Variants in NUF2 observed in about 807,000 individuals in gnomAD.
The protein encoded by NUF2 is NUF2 component of NDC80 kinetochore complex, also known as kinetochore protein Nuf2.
A neutral mutation model predicts 61.8 loss-of-function variants in NUF2; 34 were observed. That is an observed-to-expected ratio of 0.55 (90% CI 0.42 to 0.73). NUF2 has a LOEUF of 0.73. NUF2 is among the 30% of genes least tolerant of loss of function. The pLI, the probability that NUF2 is intolerant of heterozygous loss-of-function variation, is 0.00. For synonymous variants in NUF2, 172 were observed against 181.6 expected, an observed-to-expected ratio of 0.95 and a Z score of 0.42; for missense variants, 445 against 539.1, an observed-to-expected ratio of 0.83 and a Z score of 1.73.
intron 3 of NUF2, 36 bp downstream of exon 3, chr1:163,327,598 TTTG>T: frequency 8.0e-7 from 1 of 1,250,754 alleles, no homozygotes; most frequent in Non-Finnish European, 1.2e-6. Flanking sequence ...TGGGGTTTTT[TTTG>T]TTTGTTTGTT....
At chr1:163,322,541 C>T (rs553754802) in intron 1 of NUF2, among the ~76,000 whole-genome samples, 1 of 152,308 alleles carries the variant, frequency 6.6e-6, no homozygotes, top group South Asian at 2.1e-4. Flanking sequence ...GCATATATAG[C>T]ACTACGCATG....
rs1262324645 is a variant in NUF2 at position 163,335,604 on chromosome 1, C to G, written c.338-1147C>G. Among the ~76,000 whole-genome samples, 10 of 151,950 alleles carry G rather than the reference C, an allele frequency of 6.6e-5. No individual in the cohort carries two copies. The East Asian group carries it at 1.4e-3, about 21-fold the overall frequency. ...GTTTTTCTGTTCTTTCTTCCCTCCC[C>G]CTACACCCCTGCCCGCCATTTACGT... On this transcript the variant is annotated intron_variant, in intron 5 of 13. Coordinates refer to ENST00000271452, the MANE Select transcript of NUF2 (RefSeq NM_145697.3).
intron 1 of NUF2, among the ~76,000 whole-genome samples, chr1:163,324,877 A>AT (rs985793425): frequency 1.5e-4 from 20 of 131,496 alleles, no homozygotes; most frequent in African/African-American, 4.7e-4. Context: ...AGGCTCTAGG[A>AT]CAAGGTTTCT....
intron 1 of NUF2, among the ~76,000 whole-genome samples, chr1:163,323,858 G>A (rs1222293982): frequency 6.6e-6 from 1 of 152,012 alleles, no homozygotes; most frequent in Non-Finnish European, 1.5e-5. Flanking sequence ...TGACACAGCA[G>A]ATGGTGACCA....
chr1:163,345,951 A>G (rs928359388), intron 11 of NUF2, 133 bp downstream of exon 11: 10 of 556,862 alleles, frequency 1.8e-5, no homozygotes, highest in Non-Finnish European at 2.7e-5. Context: ...AGATGTGGCA[A>G]TGTATGCTAT....
At chr1:163,337,112 T>C (rs1650783843) in intron 6 of NUF2, among the ~76,000 whole-genome samples, 1 of 152,156 alleles carries the variant, frequency 6.6e-6, no homozygotes, top group African/African-American at 2.4e-5. Flanking sequence ...CTTGTTTTCC[T>C]ATATTAGGAA....
intron 7 of NUF2, 40 bp downstream of exon 7, chr1:163,338,133 A>G: frequency 6.8e-7 from 1 of 1,477,510 alleles, no homozygotes; most frequent in Non-Finnish European, 9.5e-7. Flanking sequence ...TGCAATTTCA[A>G]AATGCAAAAT....
At chr1:163,333,618 A>G (rs1650667701) in intron 5 of NUF2, among the ~76,000 whole-genome samples, 1 of 152,020 alleles carries the variant, frequency 6.6e-6, no homozygotes, top group African/African-American at 2.4e-5. Flanking sequence ...TATTTGCTCC[A>G]AGTTTCAGTA....
intron 5 of NUF2, 86 bp downstream of exon 5, chr1:163,328,993 A>AG (rs397940702): frequency 1.7e-4 from 116 of 675,748 alleles, no homozygotes; most frequent in Middle Eastern, 2.8e-4. Flanking sequence ...AAAAAAAAAA[A>AG]GGAAAAAAAC....
rs775397557 is a variant in NUF2 at position 163,338,000 on chromosome 1, G to T, written c.436-20G>T. ...GTGTTGAAATGCACTAATATGAGAT[G>T]ATTAAAATTGCTTTAATAGAAATCC... On this transcript the variant is annotated intron_variant, in intron 6 of 13. Transcript: ENST00000271452. The T allele has an allele frequency of 6.3e-7, 1 of 1,590,576 alleles. No homozygotes were observed. Among genetic ancestry groups the T allele is most frequent in the South Asian group, 1.1e-5 (1 of 90,504 alleles).
Position 163,345,776 on chromosome 1 carries a change from C to A in NUF2, c.906C>A (p.Asp302Glu). ...AGTTATATCAAAAGAAAATACAGGA[C>A]CTTTCAGATAATAGGGAAAAATTAG... Reference protein sequence around the residue: ...EVQLYQKKIQDLSDNREKLAS... With the variant: ...EVQLYQKKIQELSDNREKLAS... Residue 302 changes from aspartate to glutamate, a missense_variant, in exon 11 of 14, where the codon GAC becomes GAA. Transcript: ENST00000271452. The A allele has an allele frequency of 6.2e-7, 1 of 1,608,742 alleles. No homozygotes were observed. Among genetic ancestry groups the A allele is most frequent in the Non-Finnish European group, 8.5e-7 (1 of 1,176,124 alleles).
intron 5 of NUF2, among the ~76,000 whole-genome samples, chr1:163,330,787 T>G (rs1650568890): frequency 6.6e-6 from 1 of 152,064 alleles, no homozygotes; most frequent in South Asian, 2.1e-4. Context: ...TATAATAAAT[T>G]TTGTTAAATT....
At position 163,336,512 on chromosome 1, in the gene NUF2, G is replaced by A. The variant is rs951037769; in HGVS notation, c.338-239G>A. Among the ~76,000 whole-genome samples the A allele has an allele frequency of 3.9e-5, 6 of 151,934 alleles. No homozygotes were observed. The East Asian group carries it at 1.2e-3, about 29-fold the overall frequency. ...TTTTCTAGTTTTTTAATATGGGAGG[G>A]TAATTCTGGTTTCTGTTATTTCTTC... On this transcript the variant is annotated intron_variant, in intron 5 of 13. Transcript: ENST00000271452.
At chr1:163,354,040 A>G (rs894898010) in intron 13 of NUF2, among the ~76,000 whole-genome samples, 2 of 152,214 alleles carry the variant, frequency 1.3e-5, no homozygotes, top group Non-Finnish European at 2.9e-5. Context: ...TTTTGGAATG[A>G]ATAAACATAT....
chr1:163,349,155 C>T (rs1571399231), intron 13 of NUF2, 75 bp downstream of exon 13: 1 of 1,261,930 alleles, frequency 7.9e-7, no homozygotes, highest in Non-Finnish European at 1.1e-6. Flanking sequence ...AACAAAACAG[C>T]TTACTTGGTC....
chr1:163,354,335 G>A (rs1320915087), intron 13 of NUF2, among the ~76,000 whole-genome samples: 1 of 152,096 alleles, frequency 6.6e-6, no homozygotes, highest in Non-Finnish European at 1.5e-5. Flanking sequence ...TTAGTCTTAA[G>A]CATATATTTA....
chr1:163,337,955 A>G (rs1650816537), intron 6 of NUF2, 65 bp from the exon 7 acceptor site: 1 of 1,219,576 alleles, frequency 8.2e-7, no homozygotes. Context: ...GTATGAGTAA[A>G]CATTTTGGAC....
chr1:163,351,578 G>C (rs1295742804), intron 13 of NUF2, among the ~76,000 whole-genome samples: 1 of 152,064 alleles, frequency 6.6e-6, no homozygotes, highest in Non-Finnish European at 1.5e-5. Context: ...AAGGTCCTTT[G>C]CTGCATTATA....
chr1:163,332,504 A>G (rs1339161058), intron 5 of NUF2, among the ~76,000 whole-genome samples: 1 of 152,154 alleles, frequency 6.6e-6, no homozygotes, highest in Non-Finnish European at 1.5e-5. Flanking sequence ...CAGAAGTTCA[A>G]AATTGGTTTC....
Sources: gnomAD v4.1 joint callset for allele counts (sites outside exome capture counted in the v4.1 genomes callset) on GRCh38, gnomAD v4.1.1 for gene constraint, MANE v1.5 for transcripts, NCBI Gene and HGNC (gene_info 2026-07-23, HGNC 2026-07-21) for gene names.